PCDH15: variants seen among roughly 807,000 people sequenced by gnomAD.
The protein encoded by PCDH15 is protocadherin related 15.
PCDH15 carries 129 observed loss-of-function variants against 178.5 expected under a neutral mutation model. That is an observed-to-expected ratio of 0.72 (90% CI 0.63 to 0.84). The LOEUF is 0.84. Among genes scored for constraint, PCDH15 ranks in the 40% least tolerant of loss-of-function variants. The pLI is 0.00. For synonymous variants in PCDH15, 800 were observed against 732.0 expected (o/e 1.09, Z -1.50); for missense variants, 2,230 against 2,099.9 (o/e 1.06, Z -1.21).
intron 2 of PCDH15, among the ~76,000 whole-genome samples, chr10:55,045,466 T>G (rs2131981803): frequency 6.6e-6 from 1 of 152,236 alleles, no homozygotes; most frequent in Admixed American, 6.6e-5. Flanking sequence ...GAGAAGTCTT[T>G]ATTCAGAAGT....
chr10:54,552,360 T>C lies in PCDH15; in HGVS notation c.92-24483A>G, dbSNP rs951233267. ...CATAACCTTGAAGCCTATATCCTAC[T>C]GTGATACTCTTTGTAAATGATAGTA... On this transcript the variant is annotated intron_variant, in intron 2 of 37. Coordinates refer to ENST00000644397, the MANE Select transcript of PCDH15 (RefSeq NM_001384140.1). Among the ~76,000 whole-genome samples the C allele has an allele frequency of 1.3e-4, 20 of 152,194 alleles. No individual in the cohort carries two copies. Among genetic ancestry groups the C allele is most frequent in the Non-Finnish European group, 2.4e-4 (16 of 68,020 alleles).
chr10:54,749,912 C>T (rs1945977517), intron 1 of PCDH15, among the ~76,000 whole-genome samples: 1 of 152,066 alleles, frequency 6.6e-6, no homozygotes, highest in Non-Finnish European at 1.5e-5. Flanking sequence ...TCTATTTTTG[C>T]CACTACCTAT....
At chr10:54,136,580 A>C (rs1169844063) in intron 14 of PCDH15, among the ~76,000 whole-genome samples, 2 of 152,168 alleles carry the variant, frequency 1.3e-5, no homozygotes, top group Non-Finnish European at 2.9e-5. Flanking sequence ...AACTACACTT[A>C]TTATACTTTT....
At chr10:55,608,489 G>A (rs540287474) in intron 2 of PCDH15, among the ~76,000 whole-genome samples, 2 of 151,714 alleles carry the variant, frequency 1.3e-5, no homozygotes, top group African/African-American at 4.8e-5. Context: ...CTTCCTTGGC[G>A]AGGTAAAAAT....
intron 3 of PCDH15, among the ~76,000 whole-genome samples, chr10:54,402,860 G>A (rs1952112243): frequency 1.3e-5 from 2 of 151,834 alleles, no homozygotes; most frequent in African/African-American, 2.4e-5. Context: ...ATTAAAATTA[G>A]ACCAATTAAT....
At chr10:54,826,135 C>G (rs1441164179) in intron 3 of PCDH15, among the ~76,000 whole-genome samples, 1 of 151,786 alleles carries the variant, frequency 6.6e-6, no homozygotes, top group Non-Finnish European at 1.5e-5. Context: ...TATCTTTATG[C>G]CTTACACTGT....
chr10:55,334,161 T>C (rs944117733), intron 2 of PCDH15, among the ~76,000 whole-genome samples: 49 of 147,486 alleles, frequency 3.3e-4, no homozygotes, highest in Non-Finnish European at 6.7e-4. Context: ...ATATTTGATT[T>C]TGTGAAATGC....
intron 4 of PCDH15, among the ~76,000 whole-genome samples, chr10:54,376,762 C>T (rs1001944227): frequency 6.6e-6 from 1 of 151,738 alleles, no homozygotes; most frequent in Non-Finnish European, 1.5e-5. Flanking sequence ...GGTATGGAAG[C>T]ATATAGGGAC....
chr10:55,198,160 G>A (rs1840145933), intron 1 of PCDH15, among the ~76,000 whole-genome samples: 1 of 152,086 alleles, frequency 6.6e-6, no homozygotes, highest in African/African-American at 2.4e-5. Flanking sequence ...TCACTGTTAA[G>A]GTAGCTGATA....
intron 25 of PCDH15, among the ~76,000 whole-genome samples, chr10:53,925,977 C>T (rs902529187): frequency 4.6e-5 from 7 of 152,150 alleles, no homozygotes; most frequent in African/African-American, 1.7e-4. Flanking sequence ...GTCTTGAACA[C>T]CTTTGGAAGT....
intron 1 of PCDH15, among the ~76,000 whole-genome samples, chr10:55,200,953 T>G (rs1004656685): frequency 6.6e-6 from 1 of 152,082 alleles, no homozygotes; most frequent in Non-Finnish European, 1.5e-5. Flanking sequence ...CTTTTCTTCA[T>G]AAATCACCCA....
At chr10:53,835,708 G>A (rs747166750) in intron 29 of PCDH15, among the ~76,000 whole-genome samples, 1 of 152,098 alleles carries the variant, frequency 6.6e-6, no homozygotes, top group Non-Finnish European at 1.5e-5. Flanking sequence ...CTTGAGCTCA[G>A]GAGTTTGACA....
rs1003580712 is a variant in PCDH15, at chr10:55,361,239, A to C, written c.-155-194588T>G. Among the ~76,000 whole-genome samples the C allele has an allele frequency of 4.6e-5, 7 of 152,126 alleles. No homozygotes were observed. In the East Asian group the frequency reaches 1.4e-3, roughly 29 times the overall value. ...TAGATACAGCCCAAGTATGTGCTTCAGAAATGCTTTGTTTCTTTATGTGGT... is the reference window on the plus strand; with the variant it reads ...TAGATACAGCCCAAGTATGTGCTTCCGAAATGCTTTGTTTCTTTATGTGGT... On this transcript the variant is annotated intron_variant, in intron 2 of 5. Transcript: ENST00000613346.
At chr10:54,370,707 G>A (rs10825316) in intron 4 of PCDH15, among the ~76,000 whole-genome samples, 67,658 of 151,566 alleles carry the variant, frequency 0.45, 15,977 homozygotes, top group East Asian at 0.91. Flanking sequence ...AAACACCTAA[G>A]GGATTACATA....
At chr10:55,396,065 TA>T (rs35866724) in intron 2 of PCDH15, among the ~76,000 whole-genome samples, 30,303 of 152,102 alleles carry the variant, frequency 0.2, 3,998 homozygotes, top group Non-Finnish European at 0.29. Flanking sequence ...ATTCGTTAGA[TA>T]AAAAATAGAA....
intron 1 of PCDH15, among the ~76,000 whole-genome samples, chr10:55,248,839 G>C (rs772220835): frequency 6.6e-6 from 1 of 152,160 alleles, no homozygotes; most frequent in South Asian, 2.1e-4. Flanking sequence ...TTACAGGCAT[G>C]AGCCACCATG....
intron 1 of PCDH15, among the ~76,000 whole-genome samples, chr10:54,756,098 A>C (rs947628860): frequency 1.1e-3 from 91 of 81,508 alleles, no homozygotes; most frequent in African/African-American, 3.8e-3. Context: ...CACACACACA[A>C]AATTAGCTGG....
intron 14 of PCDH15, among the ~76,000 whole-genome samples, chr10:54,150,774 A>G (rs1373001413): frequency 6.6e-6 from 1 of 150,494 alleles, no homozygotes; most frequent in Non-Finnish European, 1.5e-5. Context: ...TTGTGTTTTT[A>G]TTTGTTTCTT....
intron 1 of PCDH15, among the ~76,000 whole-genome samples, chr10:54,698,356 C>G (rs975759333): frequency 6.6e-6 from 1 of 152,104 alleles, no homozygotes; most frequent in African/African-American, 2.4e-5. Context: ...AAGACTGGCA[C>G]ATTTTGACAG....
Sources: allele counts gnomAD v4.1 joint callset (sites outside exome capture counted in the v4.1 genomes callset), GRCh38; gene constraint gnomAD v4.1.1; transcripts MANE v1.5; gene names NCBI Gene and HGNC (gene_info 2026-07-23, HGNC 2026-07-21).